MYO3B: variants seen among roughly 807,000 people sequenced by gnomAD.
The protein encoded by MYO3B is myosin-IIIb.
In MYO3B, 156 loss-of-function variants were observed where a neutral mutation model predicts 174.6. The observed-to-expected ratio is 0.89, with a 90% CI of 0.78 to 1.02. MYO3B has a LOEUF of 1.02. MYO3B is among the 50% of genes least tolerant of loss of function. The pLI is 0.00. For missense variants in MYO3B, 1,632 were observed against 1,639.4 expected (o/e 1.00, Z 0.08); for synonymous variants, 563 against 569.1 (o/e 0.99, Z 0.15).
At chr2:170,633,681 G>C (rs1041186598) in intron 32 of MYO3B, among the ~76,000 whole-genome samples, 1 of 152,150 alleles carries the variant, frequency 6.6e-6, no homozygotes, top group African/African-American at 2.4e-5. Context: ...AAGTCAAATT[G>C]TCCCTGTTTG....
chr2:170,501,527 A>C (rs1398632094), intron 27 of MYO3B, among the ~76,000 whole-genome samples: 1 of 152,186 alleles, frequency 6.6e-6, no homozygotes, highest in Non-Finnish European at 1.5e-5. Context: ...CATGTGATTC[A>C]TCAGTGGAAC....
chr2:170,441,731 G>C (rs2094802388), intron 22 of MYO3B, among the ~76,000 whole-genome samples: 1 of 152,214 alleles, frequency 6.6e-6, no homozygotes. Context: ...TGTTGTCATG[G>C]AGATGGTGGG....
chr2:170,420,381 T>C lies in MYO3B; in HGVS notation c.2650+12537T>C, dbSNP rs369302731. 7.7e-4 allele frequency among the ~76,000 whole-genome samples: 118 copies of C among 152,284 alleles called. 1 individual carries two copies. The South Asian group carries it at 0.024, about 31-fold the overall frequency. On this transcript the variant is annotated intron_variant, in intron 22 of 34. Coordinates refer to ENST00000408978, the MANE Select transcript of MYO3B (RefSeq NM_138995.5). ...AGTTAGAGGGAAAAGTGAAATTGTTTCTGGATTACCCACAGAGAACTGAGA... is the reference window on the plus strand; with the variant it reads ...AGTTAGAGGGAAAAGTGAAATTGTTCCTGGATTACCCACAGAGAACTGAGA...
chr2:170,652,155 G>A lies in MYO3B; in HGVS notation c.3887+1G>A, dbSNP rs201675431. Reference sequence around the variant, plus strand: ...GCAAGAGGAAGCCAAGAAAACTTGGGTAAATATCTGTCTTCTTAGTTCTAA... The same window carrying A: ...GCAAGAGGAAGCCAAGAAAACTTGGATAAATATCTGTCTTCTTAGTTCTAA... On this transcript the variant is annotated splice_donor_variant, in intron 34 of 34. Transcript: ENST00000408978. LOFTEE classifies it high-confidence loss of function. 1 of 1,613,832 alleles carries A rather than the reference G, an allele frequency of 6.2e-7. No individual in the cohort carries two copies. Among genetic ancestry groups the A allele is most frequent in the African/African-American group, 1.3e-5 (1 of 75,034 alleles).
intron 8 of MYO3B, among the ~76,000 whole-genome samples, chr2:170,355,422 G>A (rs2094112782): frequency 6.6e-6 from 1 of 152,190 alleles, no homozygotes; most frequent in Non-Finnish European, 1.5e-5. Context: ...TACAAAATGT[G>A]GGTAGACACA....
rs571890382 is a variant in MYO3B, at chr2:170,623,899, T to A, written c.3734-27729T>A. On this transcript the variant is annotated intron_variant, in intron 32 of 34. Transcript: ENST00000408978. ...AGGTAGTGTAGATGTGTGGTATTAT[T>A]TCTGAGGCCTCTGTTCTGTTCCATT... is the stretch of plus-strand genomic sequence containing the variant. Among the ~76,000 whole-genome samples the A allele has an allele frequency of 2.3e-3, 354 of 151,618 alleles. 1 individual carries two copies. Among genetic ancestry groups the A allele is most frequent in the African/African-American group, 7.3e-3 (301 of 41,238 alleles).
intron 32 of MYO3B, chr2:170,640,318 C>T (rs1270145391): frequency 1.3e-5 from 2 of 152,228 alleles, no homozygotes; most frequent in East Asian, 1.9e-4. Context: ...ACAGCCCCTT[C>T]GCAGCACCTG....
At position 170,356,168 on chromosome 2, in the gene MYO3B, G is replaced by A. The variant is rs375439855; in HGVS notation, c.816-13054G>A. Reference sequence around the variant, plus strand: ...ACTGGAGACGGGGTTTCACCGTGTTGGCCAGGATGGTCTCAATCTCCTGAC... The same window carrying A: ...ACTGGAGACGGGGTTTCACCGTGTTAGCCAGGATGGTCTCAATCTCCTGAC... On this transcript the variant is annotated intron_variant, in intron 8 of 34. Coordinates refer to ENST00000408978, the MANE Select transcript of MYO3B (RefSeq NM_138995.5). Among the ~76,000 whole-genome samples, 28 of 151,682 alleles carry A rather than the reference G, an allele frequency of 1.8e-4. 1 individual carries two copies. The highest frequency in any genetic ancestry group is 8.5e-4 in the Admixed American group (13 of 15,226).
chr2:170,304,225 A>T (rs74790937), intron 7 of MYO3B, among the ~76,000 whole-genome samples: 2,542 of 152,260 alleles, frequency 0.017, 80 homozygotes, highest in African/African-American at 0.058. Context: ...CAAAATGGCC[A>T]TAGTGATTTA....
chr2:170,184,793 T>C lies in MYO3B; in HGVS notation c.2+6504T>C, dbSNP rs570079687. On this transcript the variant is annotated intron_variant, in intron 1 of 34. Coordinates refer to ENST00000408978, the MANE Select transcript of MYO3B (RefSeq NM_138995.5). ...TCTCCATAGTGATTGTGTTAATTTA[T>C]ATTCCCACCAACAGTGTACAAGAGT... Among the ~76,000 whole-genome samples the C allele has an allele frequency of 1.3e-4, 20 of 152,262 alleles. No individual in the cohort carries two copies. In the South Asian group the frequency reaches 1.7e-3, roughly 13 times the overall value.
At position 170,489,634 on chromosome 2, in the gene MYO3B, G is replaced by GGTGTGTGTGTGTGTGTGTGTGTGTGTGT. The variant is rs369174830; in HGVS notation, c.3015-8951_3015-8924dup. Among the ~76,000 whole-genome samples, 261 of 139,378 alleles carry GGTGTGTGTGTGTGTGTGTGTGTGTGTGT rather than the reference G, an allele frequency of 1.9e-3. 1 individual carries two copies. The highest frequency in any genetic ancestry group is 2.6e-3 in the Non-Finnish European group (166 of 64,784). 91.4% of individuals were successfully genotyped at this position (139,378 alleles called of 152,430 possible). ...TCTCCAGAGAAACAAAACCAGTAGGGGTGTGTGTGTGTGTGTGTGTGTGTG... is the reference window on the plus strand; with the variant it reads ...TCTCCAGAGAAACAAAACCAGTAGGGGTGTGTGTGTGTGTGTGTGTGTGTGTGTGTGTGTGTGTGTGTGTGTGTGTGTG... On this transcript the variant is annotated intron_variant, in intron 25 of 34. Coordinates refer to ENST00000408978, the MANE Select transcript of MYO3B (RefSeq NM_138995.5).
At chr2:170,500,252 G>C (rs1460287188) in intron 27 of MYO3B, among the ~76,000 whole-genome samples, 1 of 152,196 alleles carries the variant, frequency 6.6e-6, no homozygotes, top group Non-Finnish European at 1.5e-5. Context: ...CTTCATAGGG[G>C]AGAGGGAAGT....
At chr2:170,597,172 A>G (rs150885046) in intron 32 of MYO3B, among the ~76,000 whole-genome samples, 1 of 152,154 alleles carries the variant, frequency 6.6e-6, no homozygotes, top group Non-Finnish European at 1.5e-5. Flanking sequence ...CTGCCTCGAG[A>G]GCAGCCTGGC....
chr2:170,546,008 C>T lies in MYO3B; in HGVS notation c.3733+2020C>T, dbSNP rs143769207. ...TCTTTTCTAGCTCTAACTTCCACTG[C>T]TCTCTCTTTTTCATTCTGTGCTTCA... On this transcript the variant is annotated intron_variant, in intron 32 of 34. Transcript: ENST00000408978. 3.2e-3 allele frequency among the ~76,000 whole-genome samples: 481 copies of T among 152,218 alleles called. 1 individual carries two copies. Among genetic ancestry groups the T allele is most frequent in the African/African-American group, 0.01 (431 of 41,522 alleles).
At chr2:170,368,867 T>C (rs1050527409) in intron 8 of MYO3B, among the ~76,000 whole-genome samples, 1 of 152,224 alleles carries the variant, frequency 6.6e-6, no homozygotes, top group Non-Finnish European at 1.5e-5. Context: ...AAAGTATACA[T>C]ACAAATCAAC....
chr2:170,593,201 G>A (rs369319921), intron 32 of MYO3B, among the ~76,000 whole-genome samples: 3 of 152,102 alleles, frequency 2.0e-5, no homozygotes, highest in Non-Finnish European at 4.4e-5. Flanking sequence ...GAACTCAAGC[G>A]ATCCCCCCAC....
At chr2:170,322,826 C>A (rs9677999) in intron 7 of MYO3B, among the ~76,000 whole-genome samples, 10 of 152,078 alleles carry the variant, frequency 6.6e-5, no homozygotes, top group African/African-American at 2.4e-4. Flanking sequence ...AACTGTACAG[C>A]CTTCCTACCT....
chr2:170,488,736 A>G (rs989594690), intron 25 of MYO3B, among the ~76,000 whole-genome samples: 3 of 152,120 alleles, frequency 2.0e-5, no homozygotes, highest in Admixed American at 6.5e-5. Flanking sequence ...TTACATATCT[A>G]TTTATCAGTT....
intron 6 of MYO3B, among the ~76,000 whole-genome samples, chr2:170,226,517 G>A (rs901473642): frequency 6.6e-6 from 1 of 152,206 alleles, no homozygotes; most frequent in Non-Finnish European, 1.5e-5. Flanking sequence ...GGGTGGAAAT[G>A]ACTGGATGCA....
Sources: gnomAD v4.1 joint callset for allele counts (sites outside exome capture counted in the v4.1 genomes callset) on GRCh38, gnomAD v4.1.1 for gene constraint, MANE v1.5 for transcripts, NCBI Gene and HGNC (gene_info 2026-07-23, HGNC 2026-07-21) for gene names.